Variants in MYO16 observed in about 807,000 individuals in gnomAD.
The protein encoded by MYO16 is myosin XVI.
A neutral mutation model predicts 205.3 loss-of-function variants in MYO16; 94 were observed. The ratio of observed to expected loss-of-function variants is 0.46; its 90% CI spans 0.39 to 0.54. The LOEUF is 0.54. Among genes scored for constraint, MYO16 ranks in the 20% least tolerant of loss-of-function variants. MYO16 has a pLI of 0.00. For synonymous variants in MYO16, 988 were observed against 954.0 expected, an observed-to-expected ratio of 1.04 and a Z score of -0.66; for missense variants, 2,315 against 2,387.5, an observed-to-expected ratio of 0.97 and a Z score of 0.63.
intron 2 of MYO16, among the ~76,000 whole-genome samples, chr13:108,688,965 C>T (rs1378013415): frequency 6.6e-6 from 1 of 152,024 alleles, no homozygotes; most frequent in Non-Finnish European, 1.5e-5. Flanking sequence ...TTGACAACAG[C>T]TAAATAATTG....
intron 20 of MYO16, among the ~76,000 whole-genome samples, chr13:108,990,853 T>A (rs1884805261): frequency 6.6e-6 from 1 of 152,202 alleles, no homozygotes; most frequent in South Asian, 2.1e-4. Flanking sequence ...TGAAGTGATG[T>A]ATTATAGACC....
chr13:108,533,618 G>C, the MYO16 span, among the ~76,000 whole-genome samples: 258 of 152,230 alleles, frequency 1.7e-3, 2 homozygotes, highest in African/African-American at 5.8e-3. Flanking sequence ...GACAATAGAA[G>C]CTCTGCACTG....
the MYO16 span, among the ~76,000 whole-genome samples, chr13:108,574,290 T>G: frequency 6.6e-6 from 1 of 152,304 alleles, no homozygotes. Context: ...GTCAGGAAAC[T>G]GTCTAAAAGC....
chr13:108,745,677 A>G (rs1885037626), intron 4 of MYO16, among the ~76,000 whole-genome samples: 1 of 152,178 alleles, frequency 6.6e-6, no homozygotes, highest in African/African-American at 2.4e-5. Context: ...AGGAAAACAC[A>G]GTTTGAAGAT....
chr13:108,551,196 G>A, the MYO16 span, among the ~76,000 whole-genome samples: 118 of 152,016 alleles, frequency 7.8e-4, 1 homozygote, highest in East Asian at 0.022. Context: ...TTCTTGTGCC[G>A]TTGGCTACAT....
intron 1 of MYO16, among the ~76,000 whole-genome samples, chr13:108,634,979 C>T (rs1880158665): frequency 6.6e-6 from 1 of 152,164 alleles, no homozygotes; most frequent in Non-Finnish European, 1.5e-5. Context: ...TATATCTAGG[C>T]ATTGTTTCTT....
At position 109,207,053 on chromosome 13, in the gene MYO16, A is replaced by C; in HGVS notation, c.*217A>C. Reference sequence around the variant, plus strand: ...TTTCTTATCCATCTCGTGGTGATACACTCTGATTTTCAAGCTCCTCATTTA... The same window carrying C: ...TTTCTTATCCATCTCGTGGTGATACCCTCTGATTTTCAAGCTCCTCATTTA... On this transcript the variant is annotated 3_prime_UTR_variant, in exon 35 of 35. Transcript: ENST00000457511. The C allele has an allele frequency of 1.9e-6, 1 of 523,910 alleles. No homozygotes were observed. Among genetic ancestry groups the C allele is most frequent in the South Asian group, 2.4e-5 (1 of 41,894 alleles). 32.5% of individuals were successfully genotyped at this position (523,910 alleles called of 1,614,324 possible). A position where few individuals can be genotyped will look rare whatever the true frequency, so the allele number is the denominator to read the frequency against.
intron 2 of MYO16, among the ~76,000 whole-genome samples, chr13:108,677,149 G>C (rs1882250390): frequency 6.6e-6 from 1 of 152,030 alleles, no homozygotes; most frequent in Non-Finnish European, 1.5e-5. Flanking sequence ...AGAAGGAGGA[G>C]GGGATTCAGG....
the MYO16 span, among the ~76,000 whole-genome samples, chr13:108,579,503 C>T: frequency 6.7e-6 from 1 of 148,580 alleles, no homozygotes; most frequent in Non-Finnish European, 1.5e-5. Flanking sequence ...TGCAGTGGCG[C>T]GATCTCTGCT....
At chr13:109,076,346 G>A (rs4408409) in intron 27 of MYO16, among the ~76,000 whole-genome samples, 73,205 of 151,826 alleles carry the variant, frequency 0.48, 17,896 homozygotes, top group Middle Eastern at 0.54. Flanking sequence ...GCTTAGATTA[G>A]TGATAGGAAA....
the MYO16 span, among the ~76,000 whole-genome samples, chr13:108,566,735 GAGGAAGGAAGGAAGGA>G: frequency 0.034 from 4,536 of 134,214 alleles, 65 homozygotes; most frequent in South Asian, 0.06. Flanking sequence ...GGAAGGAAGG[GAGGAAGGAAGGAAGGA>G]AGGAAGGAAG....
At chr13:108,816,864 C>A (rs1466620619) in intron 7 of MYO16, among the ~76,000 whole-genome samples, 1 of 152,036 alleles carries the variant, frequency 6.6e-6, no homozygotes, top group Non-Finnish European at 1.5e-5. Flanking sequence ...TATAAAAATG[C>A]AGATAGACTA....
chr13:109,131,572 G>C (rs549356071), intron 31 of MYO16, among the ~76,000 whole-genome samples: 4 of 152,104 alleles, frequency 2.6e-5, no homozygotes, highest in African/African-American at 9.7e-5. Flanking sequence ...TGTGCACAAC[G>C]TGCAGGTTTG....
At chr13:108,495,927 A>G in the MYO16 span, among the ~76,000 whole-genome samples, 6 of 151,784 alleles carry the variant, frequency 4.0e-5, no homozygotes, top group Non-Finnish European at 8.8e-5. Context: ...TCCGGCAGGT[A>G]GGGGCGTCGG....
chr13:108,776,173 C>G (rs969516714), intron 4 of MYO16, among the ~76,000 whole-genome samples: 1 of 144,882 alleles, frequency 6.9e-6, no homozygotes, highest in African/African-American at 2.4e-5. Flanking sequence ...TCATGGCCAG[C>G]TTTCCTAAGG....
In MYO16 at chr13:109,142,672, T is replaced by C. The variant is rs866772126; in HGVS notation, c.5164+1296T>C. The stretch of plus-strand genomic sequence containing the variant: ...CCTTAGCCTCTGTTCCATTGCTTTT[T>C]GCAACCAATCAGATGTTTGCACAGG... On this transcript the variant is annotated intron_variant, in intron 32 of 34. Transcript: ENST00000457511. Among the ~76,000 whole-genome samples the C allele has an allele frequency of 3.9e-5, 6 of 152,244 alleles. No homozygotes were observed. The South Asian group carries it at 1.0e-3, about 26-fold the overall frequency.
chr13:108,495,753 G>A, the MYO16 span, among the ~76,000 whole-genome samples: 1 of 150,946 alleles, frequency 6.6e-6, no homozygotes, highest in Non-Finnish European at 1.5e-5. Flanking sequence ...CGAGCGGGTG[G>A]CGGAGCAGTC....
intron 31 of MYO16, among the ~76,000 whole-genome samples, chr13:109,136,970 G>A (rs1476462409): frequency 1.3e-5 from 2 of 152,182 alleles, no homozygotes; most frequent in Non-Finnish European, 2.9e-5. Context: ...CATGGTTCTA[G>A]TATTTCGCTG....
the MYO16 span, among the ~76,000 whole-genome samples, chr13:108,504,335 C>A: frequency 6.6e-6 from 1 of 151,538 alleles, no homozygotes; most frequent in Non-Finnish European, 1.5e-5. Flanking sequence ...CCAAGTTGGC[C>A]AGGCTGGTCT....
Sources: allele counts gnomAD v4.1 joint callset (sites outside exome capture counted in the v4.1 genomes callset), GRCh38; gene constraint gnomAD v4.1.1; transcripts MANE v1.5; gene names NCBI Gene and HGNC (gene_info 2026-07-23, HGNC 2026-07-21).